Variants in KLF8 observed in about 807,000 individuals in gnomAD.
KLF8 encodes the protein KLF transcription factor 8.
In KLF8, 10 loss-of-function variants were observed where a neutral mutation model predicts 18.2. That is an observed-to-expected ratio of 0.55 (90% CI 0.34 to 0.93). The LOEUF (loss-of-function observed/expected upper bound fraction) is 0.93, where lower values mean the gene tolerates loss of function less well. Among genes scored for constraint, KLF8 ranks in the 40% least tolerant of loss-of-function variants. The probability of loss-of-function intolerance (pLI) is 0.02; values close to 1 mark genes in which losing one functional copy is unlikely to be tolerated. For missense variants in KLF8, 264 were observed against 277.9 expected, an observed-to-expected ratio of 0.95 and a Z score of 0.36; for synonymous variants, 109 against 97.3, an observed-to-expected ratio of 1.12 and a Z score of -0.71.
chrX:56,185,546 A>G, the KLF8 span, among the ~76,000 whole-genome samples: 1 of 111,403 alleles, frequency 9.0e-6, no homozygotes, highest in African/African-American at 3.3e-5. Flanking sequence ...ACTCCTCGAG[A>G]AGAGCAACTC....
At chrX:56,048,771 G>T in the KLF8 span, among the ~76,000 whole-genome samples, 1 of 111,558 alleles carries the variant, frequency 9.0e-6, no homozygotes, top group Admixed American at 9.5e-5. Flanking sequence ...GGTTCCATAT[G>T]AACTTTAAAG....
chrX:55,995,511 C>T, the KLF8 span, among the ~76,000 whole-genome samples: 4 of 112,028 alleles, frequency 3.6e-5, no homozygotes, highest in Non-Finnish European at 7.5e-5. Context: ...TTTGTGGTGG[C>T]CAGTAATTGT....
chrX:55,940,787 G>T, the KLF8 span, among the ~76,000 whole-genome samples: 1 of 111,355 alleles, frequency 9.0e-6, no homozygotes, highest in African/African-American at 3.3e-5. Flanking sequence ...GCTTCAAAGA[G>T]AATAAAATAC....
In KLF8 at chrX:56,264,293, C is replaced by G. The variant is rs183109602; in HGVS notation, c.82-887C>G. ...AAAAGTATTAGTTTTTTATTAAAAA[C>G]TATTAGTTTTTTAAACTAATAAATG... On this transcript the variant is annotated intron_variant, in intron 2 of 5. Transcript: ENST00000468660. Among the ~76,000 whole-genome samples, 893 of 107,589 alleles carry G rather than the reference C, an allele frequency of 8.3e-3. 8 individuals are homozygous for G. Among genetic ancestry groups the G allele is most frequent in the Non-Finnish European group, 0.013 (664 of 52,235 alleles). 93.4% of individuals were successfully genotyped at this position (107,589 alleles called of 115,157 possible). A position where few individuals can be genotyped will look rare whatever the true frequency, so the allele number is the denominator to read the frequency against.
the KLF8 span, among the ~76,000 whole-genome samples, chrX:56,175,850 T>C: frequency 8.9e-6 from 1 of 111,824 alleles, no homozygotes; most frequent in Non-Finnish European, 1.9e-5. Context: ...TACCATTATG[T>C]AATGGCCTTC....
At chrX:55,978,809 A>G in the KLF8 span, among the ~76,000 whole-genome samples, 118 of 112,053 alleles carry the variant, frequency 1.1e-3, no homozygotes, top group African/African-American at 3.6e-3. Flanking sequence ...AGGCAGCAAT[A>G]TAAATAAGAG....
At chrX:56,093,300 A>G in the KLF8 span, among the ~76,000 whole-genome samples, 1 of 111,614 alleles carries the variant, frequency 9.0e-6, no homozygotes, top group African/African-American at 3.2e-5. Context: ...AAAGAAACCA[A>G]TGAAGAGAAA....
At chrX:56,208,221 G>T in the KLF8 span, among the ~76,000 whole-genome samples, 1 of 111,764 alleles carries the variant, frequency 8.9e-6, no homozygotes, top group Non-Finnish European at 1.9e-5. Flanking sequence ...GTTTGTATGT[G>T]TCTAGGAATT....
In KLF8 at chrX:56,290,295, G is replaced by A. The variant is rs762924114; in HGVS notation, c.*5801G>A. On this transcript the variant is annotated 3_prime_UTR_variant, in exon 6 of 6. Transcript: ENST00000468660. ...TAAATTGATTTTGGCAAAAATGAAA[G>A]ATCTTTAAGTGAACAACCAAGTATT... Among the ~76,000 whole-genome samples the A allele has an allele frequency of 6.3e-5, 7 of 111,520 alleles. No individual in the cohort carries two copies. Among genetic ancestry groups the A allele is most frequent in the Admixed American group, 5.7e-4 (6 of 10,481 alleles).
chrX:55,911,128 C>T, the KLF8 span, among the ~76,000 whole-genome samples: 1 of 111,799 alleles, frequency 8.9e-6, no homozygotes, highest in East Asian at 2.8e-4. Flanking sequence ...AAAAAGAAAA[C>T]GTTTAGAAAA....
the KLF8 span, among the ~76,000 whole-genome samples, chrX:56,081,042 A>G: frequency 9.0e-6 from 1 of 110,543 alleles, no homozygotes; most frequent in Non-Finnish European, 1.9e-5. Context: ...TTCTAGTTAT[A>G]CATTCTTCTA....
the KLF8 span, among the ~76,000 whole-genome samples, chrX:56,161,065 G>T: frequency 8.1e-5 from 9 of 111,395 alleles, no homozygotes; most frequent in Admixed American, 2.9e-4. Context: ...TCCTTCAGGA[G>T]CTCTTTTAGG....
At chrX:56,026,286 G>A in the KLF8 span, among the ~76,000 whole-genome samples, 1 of 111,618 alleles carries the variant, frequency 9.0e-6, no homozygotes, top group African/African-American at 3.3e-5. Context: ...TGGAGAAAAA[G>A]GGTGAACTGG....
At chrX:55,969,847 A>G in the KLF8 span, among the ~76,000 whole-genome samples, 1 of 111,750 alleles carries the variant, frequency 8.9e-6, no homozygotes, top group East Asian at 2.8e-4. Flanking sequence ...TAAAAAATTG[A>G]TAAATTCTTA....
At chrX:56,158,737 G>T in the KLF8 span, among the ~76,000 whole-genome samples, 2 of 112,154 alleles carry the variant, frequency 1.8e-5, no homozygotes, top group East Asian at 5.6e-4. Flanking sequence ...CATTGATTTT[G>T]TATCCTGAGA....
At chrX:56,270,385 A>ACAC (rs1427391203) in intron 5 of KLF8, 64 bp downstream of exon 5, 187 of 613,573 alleles carry the variant, frequency 3.0e-4, no homozygotes, top group Non-Finnish European at 3.5e-4. Flanking sequence ...CACACACGAG[A>ACAC]GAGAGAGAGA....
the KLF8 span, among the ~76,000 whole-genome samples, chrX:56,096,418 C>A: frequency 1.8e-5 from 2 of 111,331 alleles, no homozygotes; most frequent in Admixed American, 9.6e-5. Context: ...AAGAAATCTG[C>A]ATTTGTACCC....
At chrX:56,197,151 TA>T in the KLF8 span, among the ~76,000 whole-genome samples, 3 of 111,152 alleles carry the variant, frequency 2.7e-5, no homozygotes, top group Non-Finnish European at 5.7e-5. Context: ...AGGAAAGATC[TA>T]AATTTGACAC....
At chrX:56,137,203 C>T in the KLF8 span, among the ~76,000 whole-genome samples, 1 of 109,646 alleles carries the variant, frequency 9.1e-6, no homozygotes, top group Non-Finnish European at 1.9e-5. Flanking sequence ...GTGGTGATTC[C>T]TCAAGGATCT....
Sources: allele counts gnomAD v4.1 joint callset (sites outside exome capture counted in the v4.1 genomes callset), GRCh38; gene constraint gnomAD v4.1.1; transcripts MANE v1.5; gene names NCBI Gene and HGNC (gene_info 2026-07-23, HGNC 2026-07-21).